PPP3CA: variants seen among roughly 807,000 people sequenced by gnomAD.
PPP3CA encodes CAM-PRP catalytic subunit.
Under a neutral mutation model 66.5 loss-of-function variants are expected in PPP3CA, and 14 were observed. The ratio of observed to expected loss-of-function variants is 0.21; its 90% CI spans 0.14 to 0.33. PPP3CA has a LOEUF of 0.33. PPP3CA is among the 10% of genes least tolerant of loss of function. The pLI is 1.00. For synonymous variants in PPP3CA, 232 were observed against 226.2 expected (o/e 1.03, Z -0.23); for missense variants, 317 against 639.5 (o/e 0.50, Z 5.44).
chr4:101,211,294 A>T (rs1725291550), intron 1 of PPP3CA, among the ~76,000 whole-genome samples: 1 of 152,170 alleles, frequency 6.6e-6, no homozygotes, highest in Non-Finnish European at 1.5e-5. Flanking sequence ...GTACACATCC[A>T]GTTCTCCAGA....
chr4:101,087,504 C>T (rs886392287), intron 6 of PPP3CA, among the ~76,000 whole-genome samples: 2 of 152,100 alleles, frequency 1.3e-5, no homozygotes, highest in African/African-American at 4.8e-5. Context: ...AACCAGTATC[C>T]TGGCTTATAG....
At chr4:101,308,556 C>T (rs940965527) in intron 1 of PPP3CA, among the ~76,000 whole-genome samples, 1 of 152,076 alleles carries the variant, frequency 6.6e-6, no homozygotes, top group Non-Finnish European at 1.5e-5. Flanking sequence ...AGTGATCTTG[C>T]AGCTTCAGCC....
intron 1 of PPP3CA, among the ~76,000 whole-genome samples, chr4:101,203,047 G>A (rs1376086802): frequency 6.6e-6 from 1 of 152,118 alleles, no homozygotes; most frequent in Non-Finnish European, 1.5e-5. Context: ...ACATACCAAT[G>A]TGTTAAAGGG....
chr4:101,134,208 A>C (rs1040078712), intron 2 of PPP3CA, among the ~76,000 whole-genome samples: 3 of 152,234 alleles, frequency 2.0e-5, no homozygotes, highest in Non-Finnish European at 4.4e-5. Flanking sequence ...AAACACCAAA[A>C]GCAATGGCAA....
At chr4:101,117,629 C>T (rs12647627) in intron 2 of PPP3CA, among the ~76,000 whole-genome samples, 9,683 of 151,458 alleles carry the variant, frequency 0.064, 877 homozygotes, top group East Asian at 0.32. Context: ...ATTATAGTCA[C>T]GGTTGTGGTG....
chr4:101,126,955 T>G (rs371539688), intron 2 of PPP3CA, among the ~76,000 whole-genome samples: 2 of 152,152 alleles, frequency 1.3e-5, no homozygotes, highest in African/African-American at 4.8e-5. Flanking sequence ...GTGAACAGGG[T>G]AAGTGCCAAG....
intron 2 of PPP3CA, among the ~76,000 whole-genome samples, chr4:101,127,996 G>A (rs1450013829): frequency 6.6e-6 from 1 of 152,150 alleles, no homozygotes; most frequent in Non-Finnish European, 1.5e-5. Context: ...GATCCTTACT[G>A]ATGTCAGCTA....
intron 2 of PPP3CA, among the ~76,000 whole-genome samples, chr4:101,140,747 T>C (rs892125510): frequency 6.6e-6 from 1 of 152,226 alleles, no homozygotes; most frequent in Admixed American, 6.5e-5. Flanking sequence ...TCATGCAGAA[T>C]GACTGCAGGT....
intron 2 of PPP3CA, among the ~76,000 whole-genome samples, chr4:101,181,428 T>G (rs1256934524): frequency 1.3e-5 from 2 of 152,012 alleles, no homozygotes; most frequent in Admixed American, 1.3e-4. Flanking sequence ...TAAAATAATA[T>G]ATTTCAAAGA....
At chr4:101,324,914 T>C (rs1046992024) in intron 1 of PPP3CA, among the ~76,000 whole-genome samples, 15 of 152,236 alleles carry the variant, frequency 9.9e-5, no homozygotes, top group African/African-American at 3.6e-4. Flanking sequence ...TGAAATGTTC[T>C]CTTCAGTGTT....
rs913523142 is a variant in PPP3CA, at chr4:101,189,803, G to A, written c.259+6113C>T. Among the ~76,000 whole-genome samples the A allele has an allele frequency of 3.3e-5, 5 of 151,020 alleles. 1 individual carries two copies. The highest frequency in any genetic ancestry group is 7.4e-5 in the Non-Finnish European group (5 of 67,872). On this transcript the variant is annotated intron_variant, in intron 2 of 13. Transcript: ENST00000394854. Reference sequence around the variant, plus strand: ...AAAATTATGATCTACTGTCACCATAGTGTCATACACAAAAAGAAAGCATGT... The same window carrying A: ...AAAATTATGATCTACTGTCACCATAATGTCATACACAAAAAGAAAGCATGT...
chr4:101,046,564 T>C (rs979204756), intron 10 of PPP3CA, among the ~76,000 whole-genome samples: 1 of 152,086 alleles, frequency 6.6e-6, no homozygotes, highest in African/African-American at 2.4e-5. Flanking sequence ...AAGATATATC[T>C]TTAAAATTAT....
intron 1 of PPP3CA, among the ~76,000 whole-genome samples, chr4:101,333,457 C>T (rs1483276408): frequency 6.6e-6 from 1 of 151,690 alleles, no homozygotes; most frequent in Admixed American, 6.6e-5. Flanking sequence ...TATTATCAAA[C>T]TAATTTTAAT....
intron 1 of PPP3CA, among the ~76,000 whole-genome samples, chr4:101,286,445 T>C (rs1416438730): frequency 6.6e-6 from 1 of 152,240 alleles, no homozygotes; most frequent in Non-Finnish European, 1.5e-5. Flanking sequence ...ACAAATTATT[T>C]AGGTCATAAA....
chr4:101,082,276 T>C (rs997747203), intron 7 of PPP3CA, among the ~76,000 whole-genome samples: 8 of 152,232 alleles, frequency 5.3e-5, no homozygotes, highest in African/African-American at 1.9e-4. Context: ...GACTGATTGC[T>C]TGAAAACAGC....
At chr4:101,263,164 T>A (rs1053461860) in intron 1 of PPP3CA, among the ~76,000 whole-genome samples, 2 of 152,166 alleles carry the variant, frequency 1.3e-5, no homozygotes, top group African/African-American at 2.4e-5. Flanking sequence ...TCAGGACAAA[T>A]ACATGTCACT....
chr4:101,203,235 G>A (rs1340877938), intron 1 of PPP3CA, among the ~76,000 whole-genome samples: 3 of 152,140 alleles, frequency 2.0e-5, no homozygotes, highest in Non-Finnish European at 4.4e-5. Flanking sequence ...GGTGGCTCAC[G>A]CTGGTAATCC....
chr4:101,209,364 C>A (rs1485655958), intron 1 of PPP3CA, among the ~76,000 whole-genome samples: 1 of 152,124 alleles, frequency 6.6e-6, no homozygotes, highest in Non-Finnish European at 1.5e-5. Flanking sequence ...TTATTCCCTA[C>A]ATAGCCAAGG....
intron 10 of PPP3CA, among the ~76,000 whole-genome samples, chr4:101,050,210 C>A (rs75717876): frequency 6.6e-6 from 1 of 151,982 alleles, no homozygotes; most frequent in African/African-American, 2.4e-5. Context: ...TTGCAACAGA[C>A]GCATAGTAAA....
Sources: allele counts gnomAD v4.1 joint callset (sites outside exome capture counted in the v4.1 genomes callset), GRCh38; gene constraint gnomAD v4.1.1; transcripts MANE v1.5; gene names NCBI Gene and HGNC (gene_info 2026-07-23, HGNC 2026-07-21).